SLC39A9: variants seen among roughly 807,000 people sequenced by gnomAD.
The protein encoded by SLC39A9 is zinc transporter ZIP9.
SLC39A9 carries 14 observed loss-of-function variants against 28.4 expected under a neutral mutation model. That is an observed-to-expected ratio of 0.49 (90% confidence interval 0.33 to 0.77). SLC39A9 has a LOEUF of 0.77. Ranked by LOEUF, SLC39A9 falls within the 30% of genes least tolerant of loss-of-function variation. The pLI is 0.02. For missense variants in SLC39A9, 283 were observed against 381.1 expected (o/e 0.74, Z 2.14); for synonymous variants, 119 against 149.6 (o/e 0.80, Z 1.49).
Position 69,399,284 on chromosome 14 carries a change from C to G in SLC39A9, c.-86C>G, listed in dbSNP as rs1882487605. On this transcript the variant is annotated 5_prime_UTR_variant, in exon 1 of 7. Transcript: ENST00000336643. ...TGGAAAGCCCACTCTCTTGGAACCACCACACCTGTTTAAAGAACCTAAGCA... is the reference window on the plus strand; with the variant it reads ...TGGAAAGCCCACTCTCTTGGAACCAGCACACCTGTTTAAAGAACCTAAGCA... The G allele has an allele frequency of 4.2e-6, 5 of 1,203,716 alleles. No homozygotes were observed. Among genetic ancestry groups the G allele is most frequent in the African/African-American group, 1.5e-5 (1 of 66,392 alleles). 74.6% of individuals were successfully genotyped at this position (1,203,716 alleles called of 1,614,324 possible). A position where few individuals can be genotyped will look rare whatever the true frequency, so the allele number is the denominator to read the frequency against.
chr14:69,461,151 C>G lies in SLC39A9; in HGVS notation c.*2558C>G. The G allele has an allele frequency of 1.0e-6, 1 of 987,028 alleles. No individual in the cohort carries two copies. Among genetic ancestry groups the G allele is most frequent in the Non-Finnish European group, 1.2e-6 (1 of 831,010 alleles). 61.1% of individuals were successfully genotyped at this position (987,028 alleles called of 1,614,324 possible). A position where few individuals can be genotyped will look rare whatever the true frequency, so the allele number is the denominator to read the frequency against. On this transcript the variant is annotated 3_prime_UTR_variant, in exon 7 of 7. Coordinates refer to ENST00000336643, the MANE Select transcript of SLC39A9 (RefSeq NM_018375.5). ...GATTACAGATGGAATTATTGGCTAC[C>G]AAAGAGACGCAATTGATGATGAGAA...
At position 69,460,336 on chromosome 14, in the gene SLC39A9, A is replaced by G; in HGVS notation, c.*1743A>G. On this transcript the variant is annotated 3_prime_UTR_variant, in exon 7 of 7. Transcript: ENST00000336643. ...GGCCACAGTGAGGAAAGTAGCACAAATAGGATACAGTTGTATGTAGTCATT... is the reference window on the plus strand; with the variant it reads ...GGCCACAGTGAGGAAAGTAGCACAAGTAGGATACAGTTGTATGTAGTCATT... The G allele has an allele frequency of 9.1e-6, 9 of 985,602 alleles. No individual in the cohort carries two copies. Among genetic ancestry groups the G allele is most frequent in the Non-Finnish European group, 9.6e-6 (8 of 829,940 alleles). The allele number at this position is 985,602 out of a possible 1,614,324, so 61.1% of individuals were successfully genotyped here. A position where few individuals can be genotyped will look rare whatever the true frequency, so the allele number is the denominator to read the frequency against.
intron 3 of SLC39A9, among the ~76,000 whole-genome samples, chr14:69,445,240 T>G (rs1371500554): frequency 6.6e-6 from 1 of 151,440 alleles, no homozygotes; most frequent in East Asian, 1.9e-4. Context: ...CCTGCCCCCC[T>G]TCCACCTCCT....
chr14:69,425,467 GATTT>G (rs1884138135), intron 2 of SLC39A9, among the ~76,000 whole-genome samples: 1 of 152,130 alleles, frequency 6.6e-6, no homozygotes, highest in South Asian at 2.1e-4. Flanking sequence ...TTAAAAGTAT[GATTT>G]CCTGACCTCC....
At chr14:69,417,366 G>T (rs1883632870) in intron 1 of SLC39A9, among the ~76,000 whole-genome samples, 1 of 152,150 alleles carries the variant, frequency 6.6e-6, no homozygotes, top group Non-Finnish European at 1.5e-5. Flanking sequence ...TGCTGTTTTG[G>T]TTACTGTAGC....
Position 69,460,360 on chromosome 14 carries a change from T to C in SLC39A9, c.*1767T>C. ...AATAGGATACAGTTGTATGTAGTCA[T>C]TGGCAACAATTGCATACAATTTTAC... is the stretch of plus-strand genomic sequence containing the variant. On this transcript the variant is annotated 3_prime_UTR_variant, in exon 7 of 7. Coordinates refer to ENST00000336643, the MANE Select transcript of SLC39A9 (RefSeq NM_018375.5). 5 of 985,498 alleles carry C rather than the reference T, an allele frequency of 5.1e-6. No homozygotes were observed. The highest frequency in any genetic ancestry group is 6.0e-6 in the Non-Finnish European group (5 of 829,940). The allele number at this position is 985,498 out of a possible 1,614,324, so 61.0% of individuals were successfully genotyped here.
In SLC39A9 at chr14:69,407,302, CCCTTCCTTCCTT is replaced by C. The variant is rs774804877; in HGVS notation, c.96+7854_96+7865del. On this transcript the variant is annotated intron_variant, in intron 1 of 6. Coordinates refer to ENST00000336643, the MANE Select transcript of SLC39A9 (RefSeq NM_018375.5). ...TTTCCTTTCCTTCCTTCCCTTCCTT[CCCTTCCTTCCTT>C]CCTTCCTTCCTTCCTTTCTTCCTTC... Among the ~76,000 whole-genome samples, 415 of 143,936 alleles carry C rather than the reference CCCTTCCTTCCTT, an allele frequency of 2.9e-3. 2 individuals carry two copies. The highest frequency in any genetic ancestry group is 9.9e-3 in the African/African-American group (388 of 39,360). 94.4% of individuals were successfully genotyped at this position (143,936 alleles called of 152,430 possible).
Position 69,446,949 on chromosome 14 carries a change from G to T in SLC39A9, c.403+4683G>T, listed in dbSNP as rs943407190. 4.1e-3 allele frequency among the ~76,000 whole-genome samples: 598 copies of T among 144,348 alleles called. 2 individuals carry two copies. The highest frequency in any genetic ancestry group is 0.023 in the East Asian group (109 of 4,812). The allele number at this position is 144,348 out of a possible 152,430, so 94.7% of individuals were successfully genotyped here. A position where few individuals can be genotyped will look rare whatever the true frequency, so the allele number is the denominator to read the frequency against. On this transcript the variant is annotated intron_variant, in intron 3 of 6. Coordinates refer to ENST00000336643, the MANE Select transcript of SLC39A9 (RefSeq NM_018375.5). Reference sequence around the variant, plus strand: ...TCTGTGATATATATATATATATATAGAGAGAGAGAGAGAGAGAGCGAGAGA... The same window carrying T: ...TCTGTGATATATATATATATATATATAGAGAGAGAGAGAGAGAGCGAGAGA...
At position 69,458,388 on chromosome 14, in the gene SLC39A9, T is replaced by C; in HGVS notation, c.719T>C (p.Val240Ala). Residue 240 changes from valine (V) to alanine (A), a missense_variant, in exon 7 of 7, where the codon GTG becomes GCG. By Grantham distance (64) the Val-to-Ala change is moderately conservative. Coordinates refer to ENST00000336643, the MANE Select transcript of SLC39A9 (RefSeq NM_018375.5). Reference sequence around the variant, plus strand: ...AGCAGTAAAGAAGCCCTTTCAGAGGTGAACGCCACGGGAGTGGCCATGCTT... The same window carrying C: ...AGCAGTAAAGAAGCCCTTTCAGAGGCGAACGCCACGGGAGTGGCCATGCTT... ...SKSSKEALSE[V>A]NATGVAMLFS... 6.2e-7 allele frequency: 1 copy of C among 1,614,216 alleles called. No individual in the cohort carries two copies. Among genetic ancestry groups the C allele is most frequent in the Non-Finnish European group, 8.5e-7 (1 of 1,180,044 alleles).
chr14:69,435,035 A>G (rs1460673813), intron 2 of SLC39A9, among the ~76,000 whole-genome samples: 1 of 152,242 alleles, frequency 6.6e-6, no homozygotes. Context: ...GGAACGTTCC[A>G]TGCACACTTG....
intron 2 of SLC39A9, among the ~76,000 whole-genome samples, chr14:69,435,907 A>G (rs1884722602): frequency 6.6e-6 from 1 of 152,100 alleles, no homozygotes; most frequent in Admixed American, 6.5e-5. Flanking sequence ...TCCTGACCTC[A>G]GGTGATCCAC....
chr14:69,406,568 A>C (rs1226167426), intron 1 of SLC39A9, among the ~76,000 whole-genome samples: 1 of 151,938 alleles, frequency 6.6e-6, no homozygotes, highest in Non-Finnish European at 1.5e-5. Flanking sequence ...CACGCCTGTA[A>C]TCCCAGCTAC....
chr14:69,456,539 A>G (rs1319301119), intron 6 of SLC39A9, among the ~76,000 whole-genome samples: 1 of 152,062 alleles, frequency 6.6e-6, no homozygotes, highest in Non-Finnish European at 1.5e-5. Flanking sequence ...TCTATTGAAT[A>G]CTTTGTACTG....
chr14:69,414,906 C>T (rs752158674), intron 1 of SLC39A9, among the ~76,000 whole-genome samples: 5 of 152,188 alleles, frequency 3.3e-5, no homozygotes, highest in Non-Finnish European at 7.3e-5. Context: ...ACAGTATATA[C>T]TCCTTTGTGT....
At chr14:69,427,274 G>A (rs1884250359) in intron 2 of SLC39A9, among the ~76,000 whole-genome samples, 1 of 152,030 alleles carries the variant, frequency 6.6e-6, no homozygotes, top group Admixed American at 6.6e-5. Flanking sequence ...AAAGTGCTGG[G>A]ATTACAGGTG....
chr14:69,405,382 A>G (rs1882858835), intron 1 of SLC39A9, among the ~76,000 whole-genome samples: 1 of 152,126 alleles, frequency 6.6e-6, no homozygotes. Flanking sequence ...GGACTTTTAT[A>G]TTGTCTGGTA....
In SLC39A9 at chr14:69,461,179, A is replaced by AT. The variant is rs1886096253; in HGVS notation, c.*2587dup. ...AGAGACGCAATTGATGATGAGAAGC[A>AT]TGATTCTTGCTTCCATATAACCAAA... is the stretch of plus-strand genomic sequence containing the variant. On this transcript the variant is annotated 3_prime_UTR_variant, in exon 7 of 7. Transcript: ENST00000336643. The AT allele has an allele frequency of 1.3e-5, 13 of 987,558 alleles. No homozygotes were observed. In the South Asian group the frequency reaches 5.6e-4, roughly 43 times the overall value. The allele number at this position is 987,558 out of a possible 1,614,324, so 61.2% of individuals were successfully genotyped here. A position where few individuals can be genotyped will look rare whatever the true frequency, so the allele number is the denominator to read the frequency against.
intron 3 of SLC39A9, among the ~76,000 whole-genome samples, chr14:69,445,466 TAC>T (rs1259803415): frequency 9.8e-5 from 15 of 152,384 alleles, no homozygotes; most frequent in Non-Finnish European, 1.9e-4. Context: ...ACAGTATTAA[TAC>T]ATATAACAAA....
chr14:69,434,153 G>A (rs1884630554), intron 2 of SLC39A9, among the ~76,000 whole-genome samples: 5 of 146,960 alleles, frequency 3.4e-5, no homozygotes, highest in South Asian at 4.3e-4. Context: ...GCATGATCTC[G>A]GCACACTGCA....
Sources: gnomAD v4.1 joint callset for allele counts (sites outside exome capture counted in the v4.1 genomes callset) on GRCh38, gnomAD v4.1.1 for gene constraint, MANE v1.5 for transcripts, NCBI Gene and HGNC (gene_info 2026-07-23, HGNC 2026-07-21) for gene names.